The following ATAD2 variants were observed in gnomAD, a reference collection of about 807,000 sequenced individuals.
ATAD2 encodes the protein ATPase family AAA domain-containing protein 2.
ATAD2 carries 62 observed loss-of-function variants against 168.9 expected under a neutral mutation model. The ratio of observed to expected loss-of-function variants is 0.37; its 90% CI spans 0.30 to 0.45. The LOEUF (loss-of-function observed/expected upper bound fraction) is 0.45, where lower values mean the gene tolerates loss of function less well. ATAD2 is among the 20% of genes least tolerant of loss of function. The pLI is 1.00. For synonymous variants in ATAD2, 613 were observed against 571.6 expected (o/e 1.07, Z -1.03); for missense variants, 1,419 against 1,667.8 (o/e 0.85, Z 2.60).
At chr8:123,411,091 T>G (rs1453160514) in intron 1 of ATAD2, among the ~76,000 whole-genome samples, 1 of 152,148 alleles carries the variant, frequency 6.6e-6, no homozygotes, top group Non-Finnish European at 1.5e-5. Flanking sequence ...GCCACCATCT[T>G]GGAAGCGGCT....
At chr8:123,356,274 A>C in intron 13 of ATAD2, 115 bp downstream of exon 13, 1 of 804,758 alleles carries the variant, frequency 1.2e-6, no homozygotes, top group Non-Finnish European at 1.9e-6. Flanking sequence ...TACTACCAAA[A>C]AAAGGAACTA....
Position 123,337,318 on chromosome 8 carries a change from G to A in ATAD2, c.3051+307C>T, listed in dbSNP as rs532706890. On this transcript the variant is annotated intron_variant, in intron 21 of 27. Transcript: ENST00000287394. Reference sequence around the variant, plus strand: ...GTGGAGGTTGCAATGAGCCGAGATCGCGCCATTGCATTCCAGCCCGGGCAA... The same window carrying A: ...GTGGAGGTTGCAATGAGCCGAGATCACGCCATTGCATTCCAGCCCGGGCAA... Among the ~76,000 whole-genome samples the A allele has an allele frequency of 5.3e-5, 8 of 152,008 alleles. No individual in the cohort carries two copies. In the East Asian group the frequency reaches 7.7e-4, roughly 15 times the overall value.
At chr8:123,376,961 G>A (rs892532394) in intron 2 of ATAD2, among the ~76,000 whole-genome samples, 2 of 151,594 alleles carry the variant, frequency 1.3e-5, no homozygotes, top group Non-Finnish European at 2.9e-5. Flanking sequence ...GTGTGGTAGG[G>A]CATGCCTGTA....
At chr8:123,398,654 G>C (rs1268503406), upstream of ATAD2, among the ~76,000 whole-genome samples, 1 of 152,044 alleles carries the variant, frequency 6.6e-6, no homozygotes, top group Non-Finnish European at 1.5e-5. Context: ...TGGGACCACA[G>C]GTGTGTGCCA....
rs1279833013 is a variant in ATAD2 at position 123,402,820 on chromosome 8, A to G, written c.-2281-1645T>C. Among the ~76,000 whole-genome samples the G allele has an allele frequency of 6.6e-6, 1 of 150,522 alleles. No homozygotes were observed. Among genetic ancestry groups the G allele is most frequent in the Non-Finnish European group, 1.5e-5 (1 of 67,864 alleles). On this transcript the variant is annotated intron_variant, in intron 1 of 28. Coordinates refer to the ATAD2 transcript ENST00000521903. This position sits in a 1 kb window ranked among gnomAD's most constrained non-coding sequence, Gnocchi z 4.8. ...AATCAAGCAGGTCTCAATGCCAATAATAATAATAATAATAATAATAATAAA... is the reference window on the plus strand; with the variant it reads ...AATCAAGCAGGTCTCAATGCCAATAGTAATAATAATAATAATAATAATAAA...
intron 6 of ATAD2, 40 bp downstream of exon 6, chr8:123,370,863 A>G (rs1331371450): frequency 6.8e-7 from 1 of 1,474,666 alleles, no homozygotes; most frequent in Non-Finnish European, 9.2e-7. Flanking sequence ...AAAAGTTCTT[A>G]AATTCAATCC....
upstream of ATAD2, among the ~76,000 whole-genome samples, chr8:123,400,392 AGGTGTGGT>A (rs989238201): frequency 2.6e-5 from 4 of 152,086 alleles, no homozygotes; most frequent in African/African-American, 9.7e-5. This position sits in a 1 kb window ranked among gnomAD's most constrained non-coding sequence, Gnocchi z 4.5. Flanking sequence ...ACACAAAGCC[AGGTGTGGT>A]GGTGCGGGCC....
At chr8:123,358,723 CTTTTTTTTTTT>C (rs772822406) in intron 11 of ATAD2, among the ~76,000 whole-genome samples, 28 of 76,850 alleles carry the variant, frequency 3.6e-4, no homozygotes, top group Admixed American at 2.5e-3. Context: ...TGGTACATTA[CTTTTTTTTTTT>C]TTTTTTTTTT....
chr8:123,335,512 A>G (rs1434030328), intron 22 of ATAD2, among the ~76,000 whole-genome samples: 3 of 152,202 alleles, frequency 2.0e-5, no homozygotes, highest in Non-Finnish European at 1.5e-5. Context: ...AATACAGAAA[A>G]CAACTATTTT....
chr8:123,401,274 T>C, upstream of ATAD2: 1 of 1,049,848 alleles, frequency 9.5e-7, no homozygotes, highest in Non-Finnish European at 1.5e-6. Context: ...GAGACTACCC[T>C]GTGGCCTCCA....
At chr8:123,379,612 G>C (rs1829430646) in intron 2 of ATAD2, among the ~76,000 whole-genome samples, 1 of 149,242 alleles carries the variant, frequency 6.7e-6, no homozygotes. Flanking sequence ...GCCCAGGCTA[G>C]AGTACAGTGG....
intron 1 of ATAD2, among the ~76,000 whole-genome samples, chr8:123,406,096 C>T (rs1213593708): frequency 1.3e-5 from 2 of 152,034 alleles, no homozygotes. Flanking sequence ...ATGAAGGCAG[C>T]CTGGGCATAG....
chr8:123,396,376 T>C lies in ATAD2; in HGVS notation c.-19A>G, dbSNP rs746222616. The C allele has an allele frequency of 1.7e-5, 26 of 1,550,628 alleles. No homozygotes were observed. In the East Asian group the frequency reaches 5.3e-4, roughly 31 times the overall value. On this transcript the variant is annotated 5_prime_UTR_variant, in exon 1 of 28. Coordinates refer to ENST00000287394, the MANE Select transcript of ATAD2 (RefSeq NM_014109.4). Reference sequence around the variant, plus strand: ...CCACCATCTTCTCTCCCTACTGGCCTCGGCGTGCGCGACCGGAGAGAGATC... The same window carrying C: ...CCACCATCTTCTCTCCCTACTGGCCCCGGCGTGCGCGACCGGAGAGAGATC...
chr8:123,391,022 A>G (rs767421882), intron 1 of ATAD2, among the ~76,000 whole-genome samples: 3 of 152,130 alleles, frequency 2.0e-5, no homozygotes, highest in African/African-American at 4.8e-5. Flanking sequence ...CACAGTCTCA[A>G]AAGAAAAAAA....
chr8:123,326,020 C>T lies in ATAD2; in HGVS notation c.3875G>A (p.Cys1292Tyr), dbSNP rs776619211. Residue 1292 changes from cysteine (C) to tyrosine (Y), a missense_variant, in exon 26 of 28, where the codon TGT (cysteine) becomes TAT (tyrosine). By Grantham distance (194) the Cys-to-Tyr change is radical (BLOSUM62 -2). Coordinates refer to ENST00000287394, the MANE Select transcript of ATAD2 (RefSeq NM_014109.4). ...TCTAGCTCGAGTCATTCGCAGAACA[C>T]ACATTTCTAGAATGAAAAATCAAAT... ...ISDENEGKEM[C>Y]VLRMTRARRS... The T allele has an allele frequency of 4.3e-6, 7 of 1,613,438 alleles. No homozygotes were observed. The South Asian group carries it at 7.7e-5, about 18-fold the overall frequency.
At position 123,339,311 on chromosome 8, in the gene ATAD2, C is replaced by T; in HGVS notation, c.2854G>A (p.Val952Ile). ...TATTAACTTTGATATAGAAACTAAC[C>T]TGCTTTCTTTTTTGATATAGGAGGC... ...AKPPISKKKA[V>I]LQALEVLPVA... is the part of the protein sequence containing the mutation. Residue 952 changes from valine to isoleucine, a missense_variant and splice_region_variant, in exon 20 of 28, where the codon GTT (valine) becomes ATT (isoleucine). Transcript: ENST00000287394. The T allele has an allele frequency of 1.3e-6, 2 of 1,547,160 alleles. No individual in the cohort carries two copies. The highest frequency in any genetic ancestry group is 1.7e-6 in the Non-Finnish European group (2 of 1,144,820).
intron 1 of ATAD2, among the ~76,000 whole-genome samples, chr8:123,381,679 G>A (rs1472846589): frequency 2.0e-5 from 3 of 152,096 alleles, no homozygotes; most frequent in Non-Finnish European, 4.4e-5. Context: ...ACACCGCTCT[G>A]AGATCATATA....
intron 3 of ATAD2, among the ~76,000 whole-genome samples, chr8:123,372,053 T>C (rs1829165027): frequency 6.6e-6 from 1 of 152,154 alleles, no homozygotes; most frequent in African/African-American, 2.4e-5. Flanking sequence ...AGAGGAAAGA[T>C]ATGTAATACA....
chr8:123,389,113 C>G (rs1829731610), intron 1 of ATAD2, among the ~76,000 whole-genome samples: 1 of 148,136 alleles, frequency 6.8e-6, no homozygotes, highest in Non-Finnish European at 1.5e-5. Context: ...ATTACAGGAG[C>G]CTGCTACCAC....
Sources: gnomAD v4.1 joint callset for allele counts (sites outside exome capture counted in the v4.1 genomes callset) on GRCh38, gnomAD v4.1.1 for gene constraint, Gnocchi (gnomAD v3.1) non-coding constraint, MANE v1.5 for transcripts, NCBI Gene and HGNC (gene_info 2026-07-23, HGNC 2026-07-21) for gene names.